ALDH18A1: variants seen among roughly 807,000 people sequenced by gnomAD.
ALDH18A1 encodes the protein aldehyde dehydrogenase 18 family member A1, also known as delta-1-pyrroline-5-carboxylate synthase.
A neutral mutation model predicts 88.8 loss-of-function variants in ALDH18A1; 44 were observed. The ratio of observed to expected loss-of-function variants is 0.50; its 90% confidence interval spans 0.39 to 0.64. The LOEUF (loss-of-function observed/expected upper bound fraction) is 0.64. Ranked by LOEUF, ALDH18A1 falls within the 30% of genes least tolerant of loss-of-function variation. ALDH18A1 has a pLI of 0.00. For synonymous variants in ALDH18A1, 331 were observed against 372.1 expected, an observed-to-expected ratio of 0.89 and a Z score of 1.27; for missense variants, 782 against 1,009.5, an observed-to-expected ratio of 0.77 and a Z score of 3.05.
At chr10:95,607,051 G>A in intron 17 of ALDH18A1, 108 bp from the exon 18 acceptor site, 1 of 1,117,410 alleles carries the variant, frequency 8.9e-7, no homozygotes, top group Non-Finnish European at 1.4e-6. Flanking sequence ...CTCTCTTCCT[G>A]CTAACTCCTC....
intron 3 of ALDH18A1, among the ~76,000 whole-genome samples, chr10:95,639,020 A>G (rs1195528336): frequency 6.6e-6 from 1 of 152,084 alleles, no homozygotes; most frequent in Non-Finnish European, 1.5e-5. Flanking sequence ...TGGCTTCCCA[A>G]AGTGCTGGGA....
At chr10:95,632,926 G>T (rs2097873128) in intron 7 of ALDH18A1, 33 bp downstream of exon 7, 1 of 1,563,520 alleles carries the variant, frequency 6.4e-7, no homozygotes, top group South Asian at 1.1e-5. Flanking sequence ...TTAAAACAAA[G>T]GGCAGATAAA....
intron 5 of ALDH18A1, among the ~76,000 whole-genome samples, chr10:95,634,075 T>C (rs910421803): frequency 2.6e-5 from 4 of 152,108 alleles, no homozygotes; most frequent in Admixed American, 2.6e-4. Flanking sequence ...CCACTGCACC[T>C]GGCCCCAATT....
At chr10:95,628,908 C>T (rs2097864139) in intron 7 of ALDH18A1, 2 of 249,456 alleles carry the variant, frequency 8.0e-6, no homozygotes, top group Non-Finnish European at 1.6e-5. Flanking sequence ...TGACTGTTTC[C>T]AAGCAGGATG....
rs145197911 is a variant in ALDH18A1, at chr10:95,611,420, T to C, written c.1946A>G (p.Lys649Arg). Reference sequence around the variant, plus strand: ...GCTGAAGGTCAGATAGGAGGCAAATTTGGGGCCTGCATGAATTTTTACCTG... The same window carrying C: ...GCTGAAGGTCAGATAGGAGGCAAATCTGGGGCCTGCATGAATTTTTACCTG... ...VEQVKIHAGP[K>R]FASYLTFSPS... Residue 649 changes from lysine (K) to arginine (R), a missense_variant, in exon 16 of 18, where the codon AAA becomes AGA. By Grantham distance (26) the Lys-to-Arg change is conservative. Coordinates refer to ENST00000371224, the MANE Select transcript of ALDH18A1 (RefSeq NM_002860.4). 179 of 1,613,946 alleles carry C rather than the reference T, an allele frequency of 1.1e-4. No homozygotes were observed. Among genetic ancestry groups the C allele is most frequent in the Non-Finnish European group, 1.4e-4 (166 of 1,180,012 alleles).
At position 95,633,042 on chromosome 10, in the gene ALDH18A1, C is replaced by G. The variant is rs1425740421; in HGVS notation, c.725G>C (p.Ser242Thr). The change falls in exon 7 of 18, where the codon AGT (serine) becomes ACT (threonine). Residue 242 changes from serine (S) to threonine (T), a missense_variant. Ser to Thr is a moderately conservative substitution (Grantham distance 58). Transcript: ENST00000371224. Reference protein sequence around the residue: ...NSDLQGVNVISVKDNDSLAAR... With the variant: ...NSDLQGVNVITVKDNDSLAAR... ...AGCCAGGCTATCATTATCTTTAACA[C>G]TAATAACCTAGAATGCAGATTAAAA... 1 of 1,613,596 alleles carries G rather than the reference C, an allele frequency of 6.2e-7. No homozygotes were observed. The highest frequency in any genetic ancestry group is 1.3e-5 in the African/African-American group (1 of 74,922).
chr10:95,643,145 A>G lies in ALDH18A1; in HGVS notation c.150T>C (p.Thr50=), dbSNP rs1295700132. 6.8e-6 allele frequency: 11 copies of G among 1,614,278 alleles called. No homozygotes were observed. Among genetic ancestry groups the G allele is most frequent in the South Asian group, 1.1e-5 (1 of 91,090 alleles). ...VRSWSNIPFI[T]VPLSRTHGKS... ...TGCCATGTGTACGACTGAGGGGTACAGTGATAAACGGGATGTTGCTCCAAG... is the reference window on the plus strand; with the variant it reads ...TGCCATGTGTACGACTGAGGGGTACGGTGATAAACGGGATGTTGCTCCAAG... Residue 50 remains threonine, a synonymous_variant, in exon 3 of 18, where the codon ACT becomes ACC. Coordinates refer to ENST00000371224, the MANE Select transcript of ALDH18A1 (RefSeq NM_002860.4).
intron 17 of ALDH18A1, among the ~76,000 whole-genome samples, chr10:95,607,784 A>T (rs1208809716): frequency 6.6e-6 from 1 of 152,074 alleles, no homozygotes; most frequent in Non-Finnish European, 1.5e-5. Flanking sequence ...AAGCCTCCCT[A>T]AGGAAGTGCC....
chr10:95,613,623 C>A, intron 15 of ALDH18A1, 119 bp downstream of exon 15: 1 of 1,355,662 alleles, frequency 7.4e-7, no homozygotes, highest in South Asian at 1.2e-5. Context: ...GAACTTTGTA[C>A]ACAGAAGATA....
Position 95,610,241 on chromosome 10 carries a change from C to G in ALDH18A1, c.2162G>C (p.Trp721Ser), listed in dbSNP as rs766787482. The G allele has an allele frequency of 3.1e-6, 5 of 1,614,086 alleles. No individual in the cohort carries two copies. In the South Asian group the frequency reaches 5.5e-5, roughly 18 times the overall value. The stretch of plus-strand genomic sequence containing the variant: ...ATCAGAAAAGCGAGTGCTGGCATTC[C>G]AGAACACACAGGCACTGTCTACGTG... ...LQHVDSACVFWNASTRFSDGY... is the reference protein window; with the variant it reads ...LQHVDSACVFSNASTRFSDGY... The change falls in exon 17 of 18, where the codon TGG becomes TCG. Residue 721 changes from tryptophan (W) to serine (S), a missense_variant. Trp to Ser is a radical substitution (Grantham distance 177). Coordinates refer to ENST00000371224, the MANE Select transcript of ALDH18A1 (RefSeq NM_002860.4).
Position 95,606,441 on chromosome 10 carries a change from G to A in ALDH18A1, c.*321C>T. The A allele has an allele frequency of 1.7e-6, 2 of 1,210,588 alleles. No individual in the cohort carries two copies. Among genetic ancestry groups the A allele is most frequent in the Non-Finnish European group, 2.1e-6 (2 of 962,696 alleles). The allele number at this position is 1,210,588 out of a possible 1,614,324, so 75.0% of individuals were successfully genotyped here. Reference sequence around the variant, plus strand: ...CCAAGGGGGACTGTAAGTCACTGAGGTGACACAAAGCAGCCATGGGTTTTC... The same window carrying A: ...CCAAGGGGGACTGTAAGTCACTGAGATGACACAAAGCAGCCATGGGTTTTC... On this transcript the variant is annotated 3_prime_UTR_variant, in exon 18 of 18. Transcript: ENST00000371224.
At chr10:95,641,781 G>C (rs1281974954) in intron 3 of ALDH18A1, among the ~76,000 whole-genome samples, 1 of 152,204 alleles carries the variant, frequency 6.6e-6, no homozygotes, top group Non-Finnish European at 1.5e-5. Context: ...CGGGGCCACA[G>C]GAACGTGCCA....
At chr10:95,645,359 T>C (rs889626687) in intron 2 of ALDH18A1, among the ~76,000 whole-genome samples, 1 of 152,350 alleles carries the variant, frequency 6.6e-6, no homozygotes, top group East Asian at 1.9e-4. Flanking sequence ...GAGAGTTAAC[T>C]ACCTTCACTT....
At chr10:95,639,921 C>CT (rs879698425) in intron 3 of ALDH18A1, among the ~76,000 whole-genome samples, 97 of 142,826 alleles carry the variant, frequency 6.8e-4, no homozygotes, top group African/African-American at 7.4e-4. Flanking sequence ...GGTATGAAGG[C>CT]TTTTTTTTTT....
chr10:95,625,539 A>C, intron 10 of ALDH18A1, 84 bp from the exon 11 acceptor site: 2 of 1,195,454 alleles, frequency 1.7e-6, no homozygotes, highest in Admixed American at 3.4e-5. Context: ...TACTCTTCTG[A>C]GAGTGCCAGG....
intron 5 of ALDH18A1, among the ~76,000 whole-genome samples, chr10:95,634,017 G>A (rs2097876034): frequency 6.6e-6 from 1 of 151,924 alleles, no homozygotes; most frequent in Admixed American, 6.6e-5. Flanking sequence ...ATGTTGGCCA[G>A]GCTGGTCTCA....
chr10:95,642,925 A>C, intron 3 of ALDH18A1, 67 bp downstream of exon 3: 1 of 1,485,030 alleles, frequency 6.7e-7, no homozygotes, highest in South Asian at 1.2e-5. Context: ...AGCAACTTAA[A>C]CCTAATCTGA....
intron 16 of ALDH18A1, 54 bp downstream of exon 16, chr10:95,611,202 G>A (rs1310293869): frequency 6.2e-7 from 1 of 1,605,196 alleles, no homozygotes; most frequent in Non-Finnish European, 8.5e-7. Flanking sequence ...AGAGGAGCAG[G>A]ATCAGAAAGC....
intron 12 of ALDH18A1, among the ~76,000 whole-genome samples, chr10:95,617,581 G>C (rs187340877): frequency 6.6e-6 from 1 of 152,224 alleles, no homozygotes; most frequent in Non-Finnish European, 1.5e-5. Flanking sequence ...TAGTTGCCTT[G>C]TTAGAGCAAA....
Sources: allele counts gnomAD v4.1 joint callset (sites outside exome capture counted in the v4.1 genomes callset), GRCh38; gene constraint gnomAD v4.1.1; transcripts MANE v1.5; gene names NCBI Gene and HGNC (gene_info 2026-07-23, HGNC 2026-07-21).